LHFPL6: variants seen among roughly 807,000 people sequenced by gnomAD.
LHFPL6 encodes LHFPL tetraspan subfamily member 6 protein.
In LHFPL6, 9 loss-of-function variants were observed where a neutral mutation model predicts 20.6. That is an observed-to-expected ratio of 0.44 (90% confidence interval 0.26 to 0.76). LHFPL6 has a LOEUF of 0.76. Among genes scored for constraint, LHFPL6 ranks in the 30% least tolerant of loss-of-function variants. The pLI is 0.20. For synonymous variants in LHFPL6, 105 were observed against 98.7 expected (o/e 1.06, Z -0.38); for missense variants, 218 against 253.5 (o/e 0.86, Z 0.95).
At chr13:39,386,276 T>A (rs1870561097) in intron 2 of LHFPL6, among the ~76,000 whole-genome samples, 1 of 152,008 alleles carries the variant, frequency 6.6e-6, no homozygotes. Flanking sequence ...GAACAAGAAA[T>A]GTAACAATAA....
chr13:39,600,183 T>C (rs559531250), intron 2 of LHFPL6, among the ~76,000 whole-genome samples: 2 of 152,362 alleles, frequency 1.3e-5, no homozygotes, highest in Admixed American at 1.3e-4. Flanking sequence ...GCACACATCA[T>C]TTGCTAAATA....
At chr13:39,488,751 T>A (rs569313772) in intron 2 of LHFPL6, among the ~76,000 whole-genome samples, 1 of 152,348 alleles carries the variant, frequency 6.6e-6, no homozygotes, top group South Asian at 2.1e-4. Context: ...ACATCGCTCT[T>A]CAGTTCTATG....
intron 2 of LHFPL6, among the ~76,000 whole-genome samples, chr13:39,458,994 T>C (rs4281595): frequency 0.012 from 1,902 of 152,308 alleles, 21 homozygotes; most frequent in Middle Eastern, 0.024. Context: ...CTCTCTTAAA[T>C]GTAAATACCT....
intron 2 of LHFPL6, among the ~76,000 whole-genome samples, chr13:39,446,257 T>C (rs775729707): frequency 5.9e-5 from 9 of 152,184 alleles, no homozygotes; most frequent in African/African-American, 2.2e-4. Flanking sequence ...AGAGTAGGCC[T>C]ACTTATCTTT....
intron 2 of LHFPL6, among the ~76,000 whole-genome samples, chr13:39,596,666 AAAG>A (rs1183649644): frequency 6.6e-6 from 1 of 152,078 alleles, no homozygotes; most frequent in African/African-American, 2.4e-5. Context: ...AAAAAAAAAA[AAAG>A]AGCCCTGCCT....
intron 2 of LHFPL6, among the ~76,000 whole-genome samples, chr13:39,555,995 C>T (rs1871292421): frequency 2.0e-5 from 3 of 152,060 alleles, no homozygotes; most frequent in African/African-American, 7.2e-5. Flanking sequence ...CTGGGACCTC[C>T]CCCTTCACTC....
chr13:39,492,296 T>TA (rs1218440687), intron 2 of LHFPL6, among the ~76,000 whole-genome samples: 8 of 152,324 alleles, frequency 5.3e-5, no homozygotes, highest in Admixed American at 1.3e-4. Flanking sequence ...GCATATGAAC[T>TA]AAACAGGCTG....
At chr13:39,405,971 G>T (rs1871105161) in intron 2 of LHFPL6, among the ~76,000 whole-genome samples, 1 of 152,080 alleles carries the variant, frequency 6.6e-6, no homozygotes, top group South Asian at 2.1e-4. Flanking sequence ...TTTTGCAATG[G>T]GTAACATTAA....
At chr13:39,448,377 AG>A (rs1440360011) in intron 2 of LHFPL6, among the ~76,000 whole-genome samples, 1 of 152,204 alleles carries the variant, frequency 6.6e-6, no homozygotes, top group Non-Finnish European at 1.5e-5. Context: ...TTTATTCATC[AG>A]GTAGGAAAGT....
At chr13:39,451,717 A>G (rs371431667) in intron 2 of LHFPL6, among the ~76,000 whole-genome samples, 1 of 152,250 alleles carries the variant, frequency 6.6e-6, no homozygotes, top group Non-Finnish European at 1.5e-5. Context: ...TTTCTTTTTA[A>G]TAAGTCTCAT....
chr13:39,540,666 G>C (rs983741996), intron 2 of LHFPL6, among the ~76,000 whole-genome samples: 2 of 152,108 alleles, frequency 1.3e-5, no homozygotes, highest in African/African-American at 4.8e-5. Context: ...TTATAAAATA[G>C]TCTTATGCTT....
At chr13:39,562,409 C>CATATATATACATATATACAT (rs1354505026) in intron 2 of LHFPL6, among the ~76,000 whole-genome samples, 3 of 101,816 alleles carry the variant, frequency 2.9e-5, no homozygotes, top group South Asian at 3.2e-4. Flanking sequence ...CATATATACA[C>CATATATATACATATATACAT]ATATACACAT....
intron 3 of LHFPL6, among the ~76,000 whole-genome samples, chr13:39,344,272 C>T (rs574644863): frequency 5.9e-5 from 9 of 152,152 alleles, no homozygotes; most frequent in African/African-American, 9.7e-5. Flanking sequence ...ACCTCTCACA[C>T]GGGCTAAGAG....
chr13:39,376,720 TC>T (rs369093855), intron 3 of LHFPL6, among the ~76,000 whole-genome samples: 324 of 152,314 alleles, frequency 2.1e-3, no homozygotes, highest in African/African-American at 7.3e-3. Flanking sequence ...TTAGATCAAT[TC>T]CCTCACAATT....
At chr13:39,577,268 C>T (rs1447273122) in intron 2 of LHFPL6, among the ~76,000 whole-genome samples, 3 of 152,148 alleles carry the variant, frequency 2.0e-5, no homozygotes, top group African/African-American at 7.2e-5. Context: ...CCAGAGCACC[C>T]CCGCCTTCTC....
intron 3 of LHFPL6, among the ~76,000 whole-genome samples, chr13:39,355,560 C>G (rs926605515): frequency 5.3e-5 from 8 of 152,138 alleles, no homozygotes; most frequent in African/African-American, 1.9e-4. Flanking sequence ...GTAAATGGTA[C>G]AAATGCCCCA....
intron 2 of LHFPL6, among the ~76,000 whole-genome samples, chr13:39,591,068 A>G (rs529901181): frequency 1.3e-5 from 2 of 152,390 alleles, no homozygotes; most frequent in South Asian, 2.1e-4. Flanking sequence ...ATAGCTGCTA[A>G]TAAGTCCAAG....
intron 2 of LHFPL6, among the ~76,000 whole-genome samples, chr13:39,412,286 T>G (rs1467357962): frequency 2.6e-5 from 4 of 152,180 alleles, no homozygotes; most frequent in African/African-American, 9.7e-5. Flanking sequence ...TGCACTTTAT[T>G]TGAAGAACAT....
At chr13:39,421,104 C>CAACA (rs1779684267) in intron 2 of LHFPL6, among the ~76,000 whole-genome samples, 1 of 151,788 alleles carries the variant, frequency 6.6e-6, no homozygotes, top group African/African-American at 2.4e-5. Context: ...ACAACAACAA[C>CAACA]AAAAAAAACT....
Sources: allele counts gnomAD v4.1 joint callset (sites outside exome capture counted in the v4.1 genomes callset), GRCh38; gene constraint gnomAD v4.1.1; transcripts MANE v1.5; gene names NCBI Gene and HGNC (gene_info 2026-07-23, HGNC 2026-07-21).